The following PRKD1 variants were observed in gnomAD, a reference collection of about 807,000 sequenced individuals.
PRKD1 encodes serine/threonine-protein kinase D1.
In PRKD1, 63 loss-of-function variants were observed where a neutral mutation model predicts 95.9. The ratio of observed to expected loss-of-function variants is 0.66; its 90% CI spans 0.54 to 0.81. PRKD1 has a LOEUF of 0.81. Among genes scored for constraint, PRKD1 ranks in the 30% least tolerant of loss-of-function variants. PRKD1 has a pLI of 0.00. For missense variants in PRKD1, 1,048 were observed against 1,165.3 expected, an observed-to-expected ratio of 0.90 and a Z score of 1.47; for synonymous variants, 425 against 423.1, an observed-to-expected ratio of 1.00 and a Z score of -0.05.
intron 1 of PRKD1, 145 bp downstream of exon 1, chr14:29,927,104 G>T: frequency 1.2e-6 from 1 of 846,336 alleles, no homozygotes; most frequent in Non-Finnish European, 1.5e-6. Context: ...TCCAGCCGCG[G>T]CGGGGCCAGC....
intron 13 of PRKD1, among the ~76,000 whole-genome samples, chr14:29,612,840 T>A (rs1299074091): frequency 6.6e-6 from 1 of 152,240 alleles, no homozygotes; most frequent in Non-Finnish European, 1.5e-5. Flanking sequence ...GGCTCACGCC[T>A]GTAAACCCAG....
At chr14:29,912,434 C>T (rs572448170) in intron 1 of PRKD1, among the ~76,000 whole-genome samples, 1 of 152,240 alleles carries the variant, frequency 6.6e-6, no homozygotes, top group East Asian at 1.9e-4. Context: ...CATTATTTTT[C>T]AGAGCCAGAA....
intron 1 of PRKD1, among the ~76,000 whole-genome samples, chr14:29,850,356 G>A (rs1892260024): frequency 6.6e-6 from 1 of 151,378 alleles, no homozygotes; most frequent in African/African-American, 2.4e-5. Context: ...CTTGGATCAA[G>A]TTTCAGGATA....
intron 16 of PRKD1, among the ~76,000 whole-genome samples, chr14:29,597,254 GA>G (rs1180396729): frequency 1.3e-5 from 2 of 151,950 alleles, no homozygotes; most frequent in Non-Finnish European, 2.9e-5. Context: ...AAGTTCTAAT[GA>G]AATGTACCAA....
intron 1 of PRKD1, among the ~76,000 whole-genome samples, chr14:29,757,519 G>C (rs981329291): frequency 6.6e-5 from 10 of 152,110 alleles, no homozygotes; most frequent in African/African-American, 1.7e-4. Context: ...GTATGCCTAG[G>C]ATAAATCATA....
intron 1 of PRKD1, among the ~76,000 whole-genome samples, chr14:29,795,193 T>C (rs1889759838): frequency 6.6e-6 from 1 of 150,476 alleles, no homozygotes; most frequent in African/African-American, 2.4e-5. Context: ...CATCAAACTA[T>C]TATATTTATT....
At chr14:29,761,196 C>G (rs1388414206) in intron 1 of PRKD1, among the ~76,000 whole-genome samples, 1 of 152,124 alleles carries the variant, frequency 6.6e-6, no homozygotes, top group Non-Finnish European at 1.5e-5. Flanking sequence ...TTCCTTGCCC[C>G]CTTAAGTATA....
intron 16 of PRKD1, among the ~76,000 whole-genome samples, chr14:29,589,128 C>T (rs1344680965): frequency 6.6e-6 from 1 of 152,106 alleles, no homozygotes; most frequent in African/African-American, 2.4e-5. Context: ...CTCTGGGAAT[C>T]TTCATGGCCC....
chr14:29,705,966 C>A (rs929043766), intron 2 of PRKD1, among the ~76,000 whole-genome samples: 1 of 152,012 alleles, frequency 6.6e-6, no homozygotes, highest in African/African-American at 2.4e-5. Context: ...GTTTTCAATT[C>A]TTTGGGGTAT....
At chr14:29,774,506 C>A (rs1888648013) in intron 1 of PRKD1, among the ~76,000 whole-genome samples, 1 of 152,080 alleles carries the variant, frequency 6.6e-6, no homozygotes, top group Non-Finnish European at 1.5e-5. Context: ...ATGACCAGCA[C>A]CCTCCTAAGC....
chr14:29,917,163 G>GAA (rs1894919908), intron 1 of PRKD1, among the ~76,000 whole-genome samples: 2 of 152,124 alleles, frequency 1.3e-5, no homozygotes, highest in Non-Finnish European at 2.9e-5. Context: ...CTTAATTCTA[G>GAA]CACCTGAACT....
intron 1 of PRKD1, among the ~76,000 whole-genome samples, chr14:29,768,512 T>G (rs1384840123): frequency 6.6e-6 from 1 of 152,222 alleles, no homozygotes; most frequent in Non-Finnish European, 1.5e-5. Flanking sequence ...GAAAATTATC[T>G]TTAATTTCTT....
intron 1 of PRKD1, among the ~76,000 whole-genome samples, chr14:29,895,967 T>C (rs559582581): frequency 6.6e-6 from 1 of 152,344 alleles, no homozygotes; most frequent in African/African-American, 2.4e-5. Flanking sequence ...TATGCTTACT[T>C]TTCATTGTTT....
At chr14:29,884,151 GA>G (rs1231969771) in intron 1 of PRKD1, among the ~76,000 whole-genome samples, 1 of 152,138 alleles carries the variant, frequency 6.6e-6, no homozygotes, top group Middle Eastern at 3.2e-3. Flanking sequence ...GGCTACAGAT[GA>G]AAATATCAAG....
At chr14:29,747,204 G>A (rs147229200) in intron 1 of PRKD1, among the ~76,000 whole-genome samples, 186 of 151,720 alleles carry the variant, frequency 1.2e-3, no homozygotes, top group East Asian at 6.0e-3. Flanking sequence ...CACCTCCCAC[G>A]TACCCATAAA....
intron 1 of PRKD1, among the ~76,000 whole-genome samples, chr14:29,779,495 G>A (rs12879239): frequency 0.17 from 26,239 of 150,996 alleles, 2,395 homozygotes; most frequent in South Asian, 0.22. Context: ...CACCAATAAC[G>A]GATAAACAGA....
chr14:29,680,726 A>C (rs1594422538), intron 2 of PRKD1, among the ~76,000 whole-genome samples: 1 of 152,326 alleles, frequency 6.6e-6, no homozygotes, highest in East Asian at 1.9e-4. Context: ...AATGAAGCCA[A>C]GGTGAAGACT....
chr14:29,794,269 A>G (rs1889709775), intron 1 of PRKD1, among the ~76,000 whole-genome samples: 1 of 151,684 alleles, frequency 6.6e-6, no homozygotes, highest in Non-Finnish European at 1.5e-5. Flanking sequence ...AAATTATTAT[A>G]TTCTTTTTAA....
Position 29,599,209 on chromosome 14 carries a change from C to A in PRKD1, c.2068-84G>T, listed in dbSNP as rs45506799. 0.014 allele frequency: 15,563 copies of A among 1,123,182 alleles called. 1,490 individuals are homozygous for A. In the African/African-American group the frequency reaches 0.21, roughly 15 times the overall value. The allele number at this position is 1,123,182 out of a possible 1,614,324, so 69.6% of individuals were successfully genotyped here. ...CCAGTTAAAAGGCCAAGAAAAAAAA[C>A]TGACAATGGACATTCAAATTTCTTT... On this transcript the variant is annotated intron_variant, in intron 14 of 17. Coordinates refer to ENST00000331968, the MANE Select transcript of PRKD1 (RefSeq NM_002742.3).
Sources: gnomAD v4.1 joint callset for allele counts (sites outside exome capture counted in the v4.1 genomes callset) on GRCh38, gnomAD v4.1.1 for gene constraint, MANE v1.5 for transcripts, NCBI Gene and HGNC (gene_info 2026-07-23, HGNC 2026-07-21) for gene names.